Variants in MYO16 observed in about 807,000 individuals in gnomAD.
The protein encoded by MYO16 is myosin XVI.
In MYO16, 94 loss-of-function variants were observed where a neutral mutation model predicts 205.3. The ratio of observed to expected loss-of-function variants is 0.46; its 90% CI spans 0.39 to 0.54. MYO16 has a LOEUF of 0.54. Among genes scored for constraint, MYO16 ranks in the 20% least tolerant of loss-of-function variants. MYO16 has a pLI of 0.00. For missense variants in MYO16, 2,315 were observed against 2,387.5 expected, an observed-to-expected ratio of 0.97 and a Z score of 0.63; for synonymous variants, 988 against 954.0, an observed-to-expected ratio of 1.04 and a Z score of -0.66.
chr13:109,060,703 A>G (rs1405701114), intron 27 of MYO16, among the ~76,000 whole-genome samples: 3 of 152,186 alleles, frequency 2.0e-5, no homozygotes, highest in Non-Finnish European at 2.9e-5. Context: ...TTCCATTTAT[A>G]TAGCAAAGGG....
chr13:108,535,162 A>T, the MYO16 span, among the ~76,000 whole-genome samples: 3 of 150,832 alleles, frequency 2.0e-5, no homozygotes, highest in East Asian at 5.9e-4. Flanking sequence ...TTCTCTTTTT[A>T]AAAATTTTTT....
intron 17 of MYO16, 30 bp from the exon 18 acceptor site, chr13:108,961,509 A>C: frequency 6.4e-7 from 1 of 1,556,070 alleles, no homozygotes; most frequent in Non-Finnish European, 8.9e-7. Flanking sequence ...TAAGCACCCT[A>C]TTCATTCTCT....
At chr13:108,577,330 G>C in the MYO16 span, among the ~76,000 whole-genome samples, 1 of 152,178 alleles carries the variant, frequency 6.6e-6, no homozygotes, top group Non-Finnish European at 1.5e-5. Flanking sequence ...CTGGCTATTA[G>C]AGAGCCTCAA....
chr13:109,166,358 A>G (rs1009219139), intron 33 of MYO16, among the ~76,000 whole-genome samples: 1 of 152,260 alleles, frequency 6.6e-6, no homozygotes, highest in Admixed American at 6.5e-5. Flanking sequence ...TAGTTGTTTA[A>G]AAACAAAACA....
At chr13:108,541,815 A>T in the MYO16 span, among the ~76,000 whole-genome samples, 1 of 152,152 alleles carries the variant, frequency 6.6e-6, no homozygotes, top group East Asian at 1.9e-4. Context: ...AAAATAACAG[A>T]TGCTGGCGAG....
At chr13:109,053,466 C>T (rs143757523) in intron 25 of MYO16, among the ~76,000 whole-genome samples, 361 of 152,014 alleles carry the variant, frequency 2.4e-3, no homozygotes, top group African/African-American at 8.4e-3. Context: ...CCAAGCTTAT[C>T]CTTATAAGAA....
chr13:109,160,531 G>A (rs1373439838), intron 32 of MYO16, among the ~76,000 whole-genome samples: 1 of 152,016 alleles, frequency 6.6e-6, no homozygotes, highest in African/African-American at 2.4e-5. Context: ...AAACCAACCC[G>A]TGTTTCCATG....
At chr13:108,955,272 C>A (rs564163577) in intron 16 of MYO16, among the ~76,000 whole-genome samples, 5 of 152,304 alleles carry the variant, frequency 3.3e-5, no homozygotes, top group Admixed American at 2.0e-4. Flanking sequence ...CCATGTCCCC[C>A]TCTTCAGGAT....
chr13:109,105,725 C>T (rs1309628591), intron 28 of MYO16, among the ~76,000 whole-genome samples: 1 of 152,176 alleles, frequency 6.6e-6, no homozygotes, highest in African/African-American at 2.4e-5. Flanking sequence ...TGCACCAAAA[C>T]ATTTTTGTGT....
At position 109,153,970 on chromosome 13, in the gene MYO16, G is replaced by A. The variant is rs558153076; in HGVS notation, c.5165-10931G>A. ...TTCCTGAGTGACTGGCACCTGCCCTGTGGCCCATCAGGGGAAATTGGGTCA... is the reference window on the plus strand; with the variant it reads ...TTCCTGAGTGACTGGCACCTGCCCTATGGCCCATCAGGGGAAATTGGGTCA... On this transcript the variant is annotated intron_variant, in intron 32 of 34. Transcript: ENST00000457511. Among the ~76,000 whole-genome samples, 621 of 152,216 alleles carry A rather than the reference G, an allele frequency of 4.1e-3. 6 individuals are homozygous for A. Among genetic ancestry groups the A allele is most frequent in the African/African-American group, 0.014 (590 of 41,536 alleles).
intron 6 of MYO16, among the ~76,000 whole-genome samples, chr13:108,802,708 TC>T (rs1431301231): frequency 6.6e-6 from 1 of 152,212 alleles, no homozygotes; most frequent in African/African-American, 2.4e-5. Flanking sequence ...ATACAGATAT[TC>T]CCCTTTCTCT....
the MYO16 span, among the ~76,000 whole-genome samples, chr13:108,588,102 C>G: frequency 0.35 from 53,251 of 151,750 alleles, 10,615 homozygotes; most frequent in Non-Finnish European, 0.44. Context: ...AATATTTTTT[C>G]CGAGCTTTTT....
At chr13:109,159,507 A>G (rs1048404393) in intron 32 of MYO16, among the ~76,000 whole-genome samples, 2 of 152,226 alleles carry the variant, frequency 1.3e-5, no homozygotes, top group African/African-American at 4.8e-5. Context: ...TTCTTTTTCA[A>G]CAAATATTAA....
At chr13:108,645,912 A>G (rs1365809166) in intron 1 of MYO16, among the ~76,000 whole-genome samples, 1 of 152,168 alleles carries the variant, frequency 6.6e-6, no homozygotes, top group African/African-American at 2.4e-5. Context: ...GACTGAACAG[A>G]GCATAAGTAG....
At chr13:108,676,070 C>T (rs541804650) in intron 2 of MYO16, among the ~76,000 whole-genome samples, 2 of 152,106 alleles carry the variant, frequency 1.3e-5, no homozygotes, top group African/African-American at 2.4e-5. Context: ...TTATCAGAGT[C>T]GTAAAGTTGC....
chr13:108,812,699 T>TAATC (rs776431340), intron 7 of MYO16, among the ~76,000 whole-genome samples: 2 of 152,198 alleles, frequency 1.3e-5, no homozygotes, highest in Non-Finnish European at 2.9e-5. Flanking sequence ...GTTTCAAAAT[T>TAATC]AATCCCCAGT....
In MYO16 at chr13:108,844,385, G is replaced by C; in HGVS notation, c.1140G>C (p.Leu380Phe). The C allele has an allele frequency of 6.2e-7, 1 of 1,613,210 alleles. No individual in the cohort carries two copies. Residue 380 changes from leucine to phenylalanine, a missense_variant, in exon 10 of 35, where the codon TTG (leucine) becomes TTC (phenylalanine). By Grantham distance (22) the Leu-to-Phe change is conservative. Coordinates refer to ENST00000457511, the MANE Select transcript of MYO16 (RefSeq NM_001198950.3). Reference protein sequence around the residue: ...VLPIAKQDSLLEKDIMFKDAT... With the variant: ...VLPIAKQDSLFEKDIMFKDAT... ...CAATTGCCAAGCAAGACAGTTTGTT[G>C]GAAAAAGACATTATGTTCAAAGATG...
chr13:108,855,253 A>G, intron 10 of MYO16, 190 bp from the exon 11 acceptor site: 1 of 409,410 alleles, frequency 2.4e-6, no homozygotes, highest in Non-Finnish European at 4.5e-6. Context: ...TCTCATCTGA[A>G]TACATTGCTC....
At chr13:109,178,489 G>A (rs773978744) in intron 33 of MYO16, among the ~76,000 whole-genome samples, 2 of 152,242 alleles carry the variant, frequency 1.3e-5, no homozygotes, top group Non-Finnish European at 2.9e-5. Flanking sequence ...TAGGAATTAT[G>A]TATATGTTTA....
Sources: gnomAD v4.1 joint callset for allele counts (sites outside exome capture counted in the v4.1 genomes callset) on GRCh38, gnomAD v4.1.1 for gene constraint, MANE v1.5 for transcripts, NCBI Gene and HGNC (gene_info 2026-07-23, HGNC 2026-07-21) for gene names.